Variants in XRN1 observed in about 807,000 individuals in gnomAD.
The protein encoded by XRN1 is 5'-3' exoribonuclease 1.
A neutral mutation model predicts 222.3 loss-of-function variants in XRN1; 67 were observed. That is an observed-to-expected ratio of 0.30 (90% CI 0.25 to 0.37). The LOEUF (loss-of-function observed/expected upper bound fraction) is 0.37, where lower values mean the gene tolerates loss of function less well. XRN1 is among the 10% of genes least tolerant of loss of function. The pLI, the probability that XRN1 is intolerant of heterozygous loss-of-function variation, is 1.00. For synonymous variants in XRN1, 643 were observed against 652.4 expected, an observed-to-expected ratio of 0.99 and a Z score of 0.22; for missense variants, 1,707 against 2,000.2, an observed-to-expected ratio of 0.85 and a Z score of 2.80.
At chr3:142,391,170 T>A (rs941897728) in intron 20 of XRN1, among the ~76,000 whole-genome samples, 2 of 152,114 alleles carry the variant, frequency 1.3e-5, no homozygotes, top group Non-Finnish European at 2.9e-5. Flanking sequence ...CACATACTGT[T>A]GGAAAAAATG....
At chr3:142,374,817 C>T (rs753460061) in intron 25 of XRN1, among the ~76,000 whole-genome samples, 1 of 152,220 alleles carries the variant, frequency 6.6e-6, no homozygotes, top group Non-Finnish European at 1.5e-5. Context: ...CAGAAGTTAT[C>T]GAATGTGACT....
intron 30 of XRN1, among the ~76,000 whole-genome samples, chr3:142,358,200 G>A (rs2066517001): frequency 1.3e-5 from 2 of 152,258 alleles, no homozygotes; most frequent in South Asian, 4.1e-4. Context: ...TTGTCTATCG[G>A]TCAAATGTGG....
At chr3:142,422,386 G>A (rs566928312) in intron 8 of XRN1, among the ~76,000 whole-genome samples, 196 bp downstream of exon 8, 7 of 152,144 alleles carry the variant, frequency 4.6e-5, no homozygotes, top group South Asian at 2.1e-4. Context: ...ATTGAGGTTC[G>A]TTAACTCTGT....
intron 39 of XRN1, among the ~76,000 whole-genome samples, chr3:142,316,460 AATT>A (rs2065214941): frequency 6.6e-6 from 1 of 152,030 alleles, no homozygotes; most frequent in Non-Finnish European, 1.5e-5. Flanking sequence ...CCAGGCTAAT[AATT>A]ATTTTTTAAA....
In XRN1 at chr3:142,311,235, T is replaced by C. The variant is rs2065067464; in HGVS notation, c.*276A>G. ...TTTAATGTTTAGTCCACTGATACTGTGATATTATTTTAATGCAAGGTTTAA... is the reference window on the plus strand; with the variant it reads ...TTTAATGTTTAGTCCACTGATACTGCGATATTATTTTAATGCAAGGTTTAA... On this transcript the variant is annotated 3_prime_UTR_variant, in exon 41 of 41. Coordinates refer to ENST00000392981, the MANE Select transcript of XRN1 (RefSeq NM_001282857.2). The C allele has an allele frequency of 4.1e-6, 1 of 242,796 alleles. No homozygotes were observed. Among genetic ancestry groups the C allele is most frequent in the Non-Finnish European group, 8.0e-6 (1 of 125,356 alleles). 15.0% of individuals were successfully genotyped at this position (242,796 alleles called of 1,614,324 possible).
chr3:142,370,181 T>G (rs902920043), intron 27 of XRN1, among the ~76,000 whole-genome samples: 1 of 152,116 alleles, frequency 6.6e-6, no homozygotes, highest in Non-Finnish European at 1.5e-5. Context: ...TACAAGGGCA[T>G]AAAATTTAAA....
At position 142,312,778 on chromosome 3, in the gene XRN1, A is replaced by AT. The variant is rs747870866; in HGVS notation, c.4622-21dup. 6.4e-7 allele frequency: 1 copy of AT among 1,570,196 alleles called. No individual in the cohort carries two copies. The highest frequency in any genetic ancestry group is 8.6e-7 in the Non-Finnish European group (1 of 1,156,568). ...TATTAGCTGTTAAAAACCAAGGAAA[A>AT]TTTTTCTTTTAGTAAAATGGTATCA... On this transcript the variant is annotated intron_variant, in intron 39 of 40. Transcript: ENST00000392981.
chr3:142,417,280 G>A, intron 12 of XRN1, 51 bp from the exon 13 acceptor site: 1 of 1,504,920 alleles, frequency 6.6e-7, no homozygotes, highest in Non-Finnish European at 9.2e-7. Flanking sequence ...ACAGGCCCGT[G>A]TCTTTAGAGC....
chr3:142,364,883 T>C (rs1488543472), intron 29 of XRN1, among the ~76,000 whole-genome samples, 164 bp downstream of exon 29: 1 of 151,912 alleles, frequency 6.6e-6, no homozygotes, highest in Non-Finnish European at 1.5e-5. Flanking sequence ...GAGATTTTTT[T>C]TTCTCTGAAA....
chr3:142,341,295 A>G (rs191648727), intron 33 of XRN1, among the ~76,000 whole-genome samples: 6 of 152,266 alleles, frequency 3.9e-5, no homozygotes, highest in Admixed American at 3.9e-4. Flanking sequence ...ATAAACAGAT[A>G]CACAAAAAAT....
intron 28 of XRN1, 51 bp downstream of exon 28, chr3:142,365,259 A>G (rs753557765): frequency 1.3e-6 from 2 of 1,577,394 alleles, no homozygotes; most frequent in East Asian, 4.5e-5. Flanking sequence ...TGCTCCTTCC[A>G]TGCATTCAAA....
Position 142,319,521 on chromosome 3 carries a change from C to T in XRN1, c.4405-618G>A, listed in dbSNP as rs2065292281. ...AAAAGCTTGTTTTGTTTTGGTTTAC[C>T]TTAATTTTTTTTAAAAAATAGATTT... On this transcript the variant is annotated intron_variant, in intron 37 of 40. Transcript: ENST00000392981. Among the ~76,000 whole-genome samples, 7 of 151,848 alleles carry T rather than the reference C, an allele frequency of 4.6e-5. No homozygotes were observed. In the South Asian group the frequency reaches 1.5e-3, roughly 32 times the overall value.
chr3:142,438,804 C>T (rs2070053151), intron 1 of XRN1, among the ~76,000 whole-genome samples: 1 of 152,114 alleles, frequency 6.6e-6, no homozygotes, highest in Non-Finnish European at 1.5e-5. Flanking sequence ...AGTGAAGTGC[C>T]ATATGTGCAA....
intron 12 of XRN1, 24 bp from the exon 13 acceptor site, chr3:142,417,253 T>C: frequency 6.2e-7 from 1 of 1,605,578 alleles, no homozygotes; most frequent in Non-Finnish European, 8.5e-7. Context: ...ATTTTCATTA[T>C]AACATATTTT....
intron 37 of XRN1, among the ~76,000 whole-genome samples, chr3:142,322,814 C>T (rs1398522007): frequency 1.3e-5 from 2 of 152,112 alleles, no homozygotes; most frequent in South Asian, 4.1e-4. Context: ...ACCAGCCTGA[C>T]CAACATGGTG....
intron 1 of XRN1, among the ~76,000 whole-genome samples, chr3:142,443,490 A>G (rs2070343535): frequency 6.6e-6 from 1 of 152,234 alleles, no homozygotes; most frequent in East Asian, 1.9e-4. Flanking sequence ...CAGGAGGTAA[A>G]GAAATAGCCA....
rs1346661402 is a variant in XRN1, at chr3:142,403,578, G to A, written c.2103+96C>T. ...CTTATTTAGGCTCCAAATTTCTAGAGTTACAACATATAATACCTCCCTGGT... is the reference window on the plus strand; with the variant it reads ...CTTATTTAGGCTCCAAATTTCTAGAATTACAACATATAATACCTCCCTGGT... On this transcript the variant is annotated intron_variant, in intron 18 of 40. Transcript: ENST00000392981. The A allele has an allele frequency of 3.5e-6, 4 of 1,134,120 alleles. No homozygotes were observed. In the East Asian group the frequency reaches 9.5e-5, roughly 27 times the overall value. The allele number at this position is 1,134,120 out of a possible 1,614,324, so 70.3% of individuals were successfully genotyped here.
At chr3:142,328,703 TTA>T (rs67278209) in intron 37 of XRN1, among the ~76,000 whole-genome samples, 3 of 47,182 alleles carry the variant, frequency 6.4e-5, no homozygotes, top group Non-Finnish European at 1.5e-4. Context: ...ACTTGTAATA[TTA>T]TATATATATA....
intron 32 of XRN1, among the ~76,000 whole-genome samples, chr3:142,354,537 C>G (rs2107824591): frequency 6.6e-6 from 1 of 152,268 alleles, no homozygotes; most frequent in South Asian, 2.1e-4. Context: ...AAGTGCTTAT[C>G]AATGGTAGAT....
Sources: gnomAD v4.1 joint callset for allele counts (sites outside exome capture counted in the v4.1 genomes callset) on GRCh38, gnomAD v4.1.1 for gene constraint, MANE v1.5 for transcripts, NCBI Gene and HGNC (gene_info 2026-07-23, HGNC 2026-07-21) for gene names.